SFT2D2: variants seen among roughly 807,000 people sequenced by gnomAD.
SFT2D2 encodes vesicle transport protein SFT2B.
In SFT2D2, 21 loss-of-function variants were observed where a neutral mutation model predicts 27.4. The observed-to-expected ratio is 0.77, with a 90% CI of 0.54 to 1.10. The LOEUF (loss-of-function observed/expected upper bound fraction) is 1.10. Ranked by LOEUF, SFT2D2 falls within the 50% of genes least tolerant of loss-of-function variation. The pLI is 0.00. For synonymous variants in SFT2D2, 72 were observed against 71.7 expected, an observed-to-expected ratio of 1.00 and a Z score of -0.02; for missense variants, 187 against 194.2, an observed-to-expected ratio of 0.96 and a Z score of 0.22.
Position 168,246,476 on chromosome 1 carries a change from C to G in SFT2D2, c.*3936C>G, listed in dbSNP as rs1008440559. On this transcript the variant is annotated 3_prime_UTR_variant, in exon 8 of 8. Transcript: ENST00000271375. ...CTTTGTATGTGTTCAAAAACCAAAG[C>G]GTTTTCTTTCAGAGCCTCTCTTGTG... is the stretch of plus-strand genomic sequence containing the variant. 1 of 1,372,152 alleles carries G rather than the reference C, an allele frequency of 7.3e-7. No individual in the cohort carries two copies. Among genetic ancestry groups the G allele is most frequent in the Admixed American group, 2.3e-5 (1 of 42,674 alleles). 85.0% of individuals were successfully genotyped at this position (1,372,152 alleles called of 1,614,324 possible). A position where few individuals can be genotyped will look rare whatever the true frequency, so the allele number is the denominator to read the frequency against.
At chr1:168,237,800 T>C (rs1016207331) in intron 6 of SFT2D2, among the ~76,000 whole-genome samples, 5 of 152,118 alleles carry the variant, frequency 3.3e-5, no homozygotes, top group African/African-American at 1.2e-4. Context: ...TCTGTACATG[T>C]TAAGTATAAG....
chr1:168,238,164 G>A (rs1470516798), intron 6 of SFT2D2, among the ~76,000 whole-genome samples: 1 of 152,124 alleles, frequency 6.6e-6, no homozygotes, highest in Non-Finnish European at 1.5e-5. Context: ...TTCCTTCTAA[G>A]TGACAGGGCT....
At position 168,244,801 on chromosome 1, in the gene SFT2D2, CCAGCAGCCT is replaced by C. The variant is rs1410662222; in HGVS notation, c.*2262_*2270del. On this transcript the variant is annotated 3_prime_UTR_variant, in exon 8 of 8. Transcript: ENST00000271375. ...CTAGTCACTGTGAGCTCCAGCAGCT[CCAGCAGCCT>C]GGAATAAGACACCTAGAAGGCTCAT... 4 of 152,052 alleles carry C rather than the reference CCAGCAGCCT, an allele frequency of 2.6e-5. No homozygotes were observed. Among genetic ancestry groups the C allele is most frequent in the Non-Finnish European group, 4.4e-5 (3 of 68,038 alleles). The allele number at this position is 152,052 out of a possible 1,614,324, so 9.4% of individuals were successfully genotyped here. A position where few individuals can be genotyped will look rare whatever the true frequency, so the allele number is the denominator to read the frequency against.
Position 168,245,342 on chromosome 1 carries a change from A to G in SFT2D2, c.*2802A>G, listed in dbSNP as rs1647780246. 6.6e-6 allele frequency: 1 copy of G among 152,212 alleles called. No homozygotes were observed. Among genetic ancestry groups the G allele is most frequent in the South Asian group, 2.1e-4 (1 of 4,838 alleles). 9.4% of individuals were successfully genotyped at this position (152,212 alleles called of 1,614,324 possible). On this transcript the variant is annotated 3_prime_UTR_variant, in exon 8 of 8. Coordinates refer to ENST00000271375, the MANE Select transcript of SFT2D2 (RefSeq NM_199344.3). ...AGAATTAGGAATTGAAAATTTAAAAATAATACCATTTACAATAGCATTAAA... is the reference window on the plus strand; with the variant it reads ...AGAATTAGGAATTGAAAATTTAAAAGTAATACCATTTACAATAGCATTAAA...
intron 7 of SFT2D2, among the ~76,000 whole-genome samples, chr1:168,239,457 G>GTTTTTTTTTTTTTTTTTTTTTTTT (rs34187475): frequency 7.7e-6 from 1 of 129,510 alleles, no homozygotes; most frequent in African/African-American, 2.9e-5. Context: ...TTTGAGTAGG[G>GTTTTTTTTTTTTTTTTTTTTTTTT]TTTTTTTTTT....
Position 168,226,022 on chromosome 1 carries a change from C to T in SFT2D2, c.-58C>T. 7 of 1,449,016 alleles carry T rather than the reference C, an allele frequency of 4.8e-6. No individual in the cohort carries two copies. The highest frequency in any genetic ancestry group is 6.4e-6 in the Non-Finnish European group (7 of 1,090,580). The allele number at this position is 1,449,016 out of a possible 1,614,324, so 89.8% of individuals were successfully genotyped here. On this transcript the variant is annotated 5_prime_UTR_variant, in exon 1 of 8. Transcript: ENST00000271375. Reference sequence around the variant, plus strand: ...GCCTAGCACCCGGAAGAGCCGTCAACTTAGCGAGCGCAACAGGCTGCCGCT... The same window carrying T: ...GCCTAGCACCCGGAAGAGCCGTCAATTTAGCGAGCGCAACAGGCTGCCGCT...
intron 3 of SFT2D2, among the ~76,000 whole-genome samples, chr1:168,232,951 GTCT>G (rs1647367813): frequency 6.6e-6 from 1 of 152,172 alleles, no homozygotes; most frequent in Non-Finnish European, 1.5e-5. Flanking sequence ...TGGTCTCTCT[GTCT>G]CCTCCATTGC....
rs1416552518 is a variant in SFT2D2, at chr1:168,248,425, TG to T, written c.*5886del. ...TAGGAATGGTGAGAGAGGGCATCCT[TG>T]TCTTGTGCTGGTTTTCCAAGGGAAT... On this transcript the variant is annotated 3_prime_UTR_variant, in exon 8 of 8. Transcript: ENST00000271375. The T allele has an allele frequency of 6.6e-6, 1 of 152,350 alleles. No homozygotes were observed. The highest frequency in any genetic ancestry group is 1.5e-5 in the Non-Finnish European group (1 of 68,148). 9.4% of individuals were successfully genotyped at this position (152,350 alleles called of 1,614,324 possible). A position where few individuals can be genotyped will look rare whatever the true frequency, so the allele number is the denominator to read the frequency against.
In SFT2D2 at chr1:168,246,204, C is replaced by T. The variant is rs80273550; in HGVS notation, c.*3664C>T. 294 of 272,074 alleles carry T rather than the reference C, an allele frequency of 1.1e-3. No homozygotes were observed. Among genetic ancestry groups the T allele is most frequent in the African/African-American group, 6.5e-3 (281 of 43,360 alleles). 16.9% of individuals were successfully genotyped at this position (272,074 alleles called of 1,614,324 possible). A position where few individuals can be genotyped will look rare whatever the true frequency, so the allele number is the denominator to read the frequency against. On this transcript the variant is annotated 3_prime_UTR_variant, in exon 8 of 8. Coordinates refer to ENST00000271375, the MANE Select transcript of SFT2D2 (RefSeq NM_199344.3). ...ATCCTCTTGTTCTTCTAGCAAAAGA[C>T]GGTGCTTTATGCACTCAGCTTGAAG... is the stretch of plus-strand genomic sequence containing the variant.
chr1:168,246,542 CT>C lies in SFT2D2; in HGVS notation c.*4005del. Reference sequence around the variant, plus strand: ...TTGAGGCACCTGGACTTACTCTCAGCTTTAGAAAGTTGCTGAGAAAGAATCA... The same window carrying C: ...TTGAGGCACCTGGACTTACTCTCAGCTTAGAAAGTTGCTGAGAAAGAATCA... On this transcript the variant is annotated 3_prime_UTR_variant, in exon 8 of 8. Coordinates refer to ENST00000271375, the MANE Select transcript of SFT2D2 (RefSeq NM_199344.3). 6.6e-7 allele frequency: 1 copy of C among 1,506,550 alleles called. No individual in the cohort carries two copies. Among genetic ancestry groups the C allele is most frequent in the Non-Finnish European group, 9.1e-7 (1 of 1,102,626 alleles). 93.3% of individuals were successfully genotyped at this position (1,506,550 alleles called of 1,614,324 possible). A position where few individuals can be genotyped will look rare whatever the true frequency, so the allele number is the denominator to read the frequency against.
At chr1:168,231,044 T>G (rs1407019229) in intron 1 of SFT2D2, among the ~76,000 whole-genome samples, 1 of 152,208 alleles carries the variant, frequency 6.6e-6, no homozygotes, top group Non-Finnish European at 1.5e-5. Context: ...TAGGAGACGA[T>G]GACCAGTGGA....
intron 1 of SFT2D2, 57 bp from the exon 2 acceptor site, chr1:168,231,457 C>T: frequency 7.0e-7 from 1 of 1,420,774 alleles, no homozygotes; most frequent in Non-Finnish European, 9.9e-7. Context: ...TAGTTATGTG[C>T]TTGCTTTGTT....
chr1:168,239,846 T>A (rs1181527450), intron 7 of SFT2D2, among the ~76,000 whole-genome samples: 4 of 144,982 alleles, frequency 2.8e-5, no homozygotes, highest in East Asian at 4.1e-4. Context: ...TTTTTTTTTT[T>A]ATCATTACCT....
chr1:168,252,812 TGA>T lies in SFT2D2; in HGVS notation c.*10273_*10274del, dbSNP rs1647977989. ...ACTCATAACTAATTTTGAATGCTACTGATTGTGTAACTGAATTTTTGTATCCA... is the reference window on the plus strand; with the variant it reads ...ACTCATAACTAATTTTGAATGCTACTTTGTGTAACTGAATTTTTGTATCCA... On this transcript the variant is annotated 3_prime_UTR_variant, in exon 8 of 8. Transcript: ENST00000271375. 2 of 152,260 alleles carry T rather than the reference TGA, an allele frequency of 1.3e-5. No homozygotes were observed. The highest frequency in any genetic ancestry group is 2.9e-5 in the Non-Finnish European group (2 of 68,044). 9.4% of individuals were successfully genotyped at this position (152,260 alleles called of 1,614,324 possible).
At chr1:168,240,487 T>G (rs1221088821) in intron 7 of SFT2D2, among the ~76,000 whole-genome samples, 1 of 152,068 alleles carries the variant, frequency 6.6e-6, no homozygotes, top group East Asian at 1.9e-4. Context: ...TTATGTGAAG[T>G]AAACCGGAGT....
chr1:168,231,878 C>T lies in SFT2D2; in HGVS notation c.195C>T (p.Phe65=), dbSNP rs148933332. 61 of 1,613,980 alleles carry T rather than the reference C, an allele frequency of 3.8e-5. No individual in the cohort carries two copies. Among genetic ancestry groups the T allele is most frequent in the East Asian group, 6.7e-5 (3 of 44,896 alleles). Reference sequence around the variant, plus strand: ...TGCCCAGGAAGGGACTACACCTCTTCGCAGTGTTTTATACCTTTGGTAATA... The same window carrying T: ...TGCCCAGGAAGGGACTACACCTCTTTGCAGTGTTTTATACCTTTGGTAATA... The part of the protein sequence containing the change: ...LWVPRKGLHL[F]AVFYTFGNIA... Residue 65 remains phenylalanine (F), a synonymous_variant, in exon 3 of 8, where the codon TTC becomes TTT. Transcript: ENST00000271375.
At chr1:168,233,641 G>C (rs1647393298) in intron 3 of SFT2D2, among the ~76,000 whole-genome samples, 1 of 152,072 alleles carries the variant, frequency 6.6e-6, no homozygotes, top group African/African-American at 2.4e-5. Flanking sequence ...ACTAACTTTG[G>C]GTGGGGGGGT....
At chr1:168,226,240 T>C in intron 1 of SFT2D2, 98 bp downstream of exon 1, 1 of 1,102,954 alleles carries the variant, frequency 9.1e-7, no homozygotes, top group Non-Finnish European at 1.3e-6. Flanking sequence ...CTGGAGTTTC[T>C]GGACGGTAGC....
chr1:168,244,625 T>G lies in SFT2D2; in HGVS notation c.*2085T>G, dbSNP rs1017353955. ...CCTGTCCTCAGCCAGGAAAGGAAAT[T>G]TTATGCTACCCCTCTGGCTTTTGTG... On this transcript the variant is annotated 3_prime_UTR_variant, in exon 8 of 8. Transcript: ENST00000271375. 1 of 152,198 alleles carries G rather than the reference T, an allele frequency of 6.6e-6. No homozygotes were observed. Among genetic ancestry groups the G allele is most frequent in the Non-Finnish European group, 1.5e-5 (1 of 68,058 alleles). The allele number at this position is 152,198 out of a possible 1,614,324, so 9.4% of individuals were successfully genotyped here.
Sources: gnomAD v4.1 joint callset for allele counts (sites outside exome capture counted in the v4.1 genomes callset) on GRCh38, gnomAD v4.1.1 for gene constraint, MANE v1.5 for transcripts, NCBI Gene and HGNC (gene_info 2026-07-23, HGNC 2026-07-21) for gene names.